Variants in LRP1B observed in about 807,000 individuals in gnomAD.
The protein encoded by LRP1B is low-density lipoprotein receptor-related protein 1B.
Under a neutral mutation model 556.6 loss-of-function variants are expected in LRP1B, and 217 were observed. The ratio of observed to expected loss-of-function variants is 0.39; its 90% CI spans 0.35 to 0.44. LRP1B has a LOEUF of 0.44. LRP1B is among the 20% of genes least tolerant of loss of function. LRP1B has a pLI of 1.00. For missense variants in LRP1B, 5,053 were observed against 5,620.8 expected (o/e 0.90, Z 3.23); for synonymous variants, 2,047 against 1,865.8 (o/e 1.10, Z -2.50).
chr2:142,078,230 A>G (rs1705582592), intron 1 of LRP1B, among the ~76,000 whole-genome samples: 1 of 151,976 alleles, frequency 6.6e-6, no homozygotes, highest in African/African-American at 2.4e-5. Context: ...GTTTGGGAAA[A>G]CTGCATGATA....
chr2:141,070,169 T>G (rs927272411), intron 7 of LRP1B, among the ~76,000 whole-genome samples: 1 of 151,928 alleles, frequency 6.6e-6, no homozygotes, highest in South Asian at 2.1e-4. Flanking sequence ...TTCCATGGTG[T>G]ATATGTGCCA....
At chr2:141,096,663 A>AGAGG (rs1700323761) in intron 7 of LRP1B, among the ~76,000 whole-genome samples, 1 of 127,756 alleles carries the variant, frequency 7.8e-6, no homozygotes, top group African/African-American at 2.8e-5. Context: ...AGAGAGAGAG[A>AGAGG]GAGAGAGAGA....
At chr2:141,463,764 G>A (rs1682043573) in intron 3 of LRP1B, among the ~76,000 whole-genome samples, 1 of 144,392 alleles carries the variant, frequency 6.9e-6, no homozygotes, top group South Asian at 2.1e-4. Context: ...GGCCTATGTT[G>A]ATTGTATTTC....
intron 43 of LRP1B, among the ~76,000 whole-genome samples, chr2:140,579,970 T>C (rs1681696206): frequency 6.6e-6 from 1 of 152,238 alleles, no homozygotes; most frequent in Non-Finnish European, 1.5e-5. Context: ...GTATCCTATA[T>C]ATGCAAATGG....
chr2:141,241,543 C>T (rs1231884285), intron 5 of LRP1B, among the ~76,000 whole-genome samples: 2 of 152,064 alleles, frequency 1.3e-5, no homozygotes, highest in Non-Finnish European at 2.9e-5. Flanking sequence ...AGTAACAGGA[C>T]AAAACTGGCC....
intron 32 of LRP1B, among the ~76,000 whole-genome samples, chr2:140,787,934 C>T (rs761499965): frequency 5.3e-5 from 8 of 152,038 alleles, no homozygotes; most frequent in East Asian, 1.9e-4. Flanking sequence ...TTATCTTCCA[C>T]TCATACTCCA....
At chr2:141,013,504 G>A in intron 14 of LRP1B, 52 bp downstream of exon 14, 2 of 1,361,550 alleles carry the variant, frequency 1.5e-6, no homozygotes, top group Non-Finnish European at 2.0e-6. Flanking sequence ...TAACTTCTGT[G>A]AAGTATTATT....
intron 2 of LRP1B, among the ~76,000 whole-genome samples, chr2:141,542,567 T>C (rs1467294157): frequency 2.0e-5 from 3 of 152,096 alleles, no homozygotes; most frequent in African/African-American, 7.2e-5. Context: ...TTGTATGCTT[T>C]GATTTTTCAT....
intron 7 of LRP1B, among the ~76,000 whole-genome samples, chr2:141,172,747 T>G (rs2105147993): frequency 6.6e-6 from 1 of 152,146 alleles, no homozygotes; most frequent in African/African-American, 2.4e-5. Flanking sequence ...AAAATAGACA[T>G]TATAAAACCA....
chr2:141,748,591 C>T (rs1693995012), intron 2 of LRP1B, among the ~76,000 whole-genome samples: 1 of 152,160 alleles, frequency 6.6e-6, no homozygotes, highest in Non-Finnish European at 1.5e-5. Context: ...ACCCCAGGTA[C>T]TGTGCTTTTG....
In LRP1B at chr2:141,215,673, G is replaced by T. The variant is rs550609722; in HGVS notation, c.850+13510C>A. Among the ~76,000 whole-genome samples, 11 of 152,328 alleles carry T rather than the reference G, an allele frequency of 7.2e-5. 1 individual carries two copies. The South Asian group carries it at 2.3e-3, about 32-fold the overall frequency. On this transcript the variant is annotated intron_variant, in intron 6 of 90. Transcript: ENST00000389484. Reference sequence around the variant, plus strand: ...ACATGTTTTATGCCTTAGCAAAGAAGTTGGCTGCATTCTCTTCAGGCTCTA... The same window carrying T: ...ACATGTTTTATGCCTTAGCAAAGAATTTGGCTGCATTCTCTTCAGGCTCTA...
In LRP1B at chr2:140,231,457, C is replaced by T. The variant is rs1680465568; in HGVS notation, c.*1729G>A. 6.6e-6 allele frequency: 1 copy of T among 151,610 alleles called. No individual in the cohort carries two copies. The highest frequency in any genetic ancestry group is 6.6e-5 in the Admixed American group (1 of 15,108). The allele number at this position is 151,610 out of a possible 1,614,324, so 9.4% of individuals were successfully genotyped here. A position where few individuals can be genotyped will look rare whatever the true frequency, so the allele number is the denominator to read the frequency against. The stretch of plus-strand genomic sequence containing the variant: ...TAGAATTTCATTTAAATAAGTCAGT[C>T]AACAATTTTTTATAAAGTATTTAAC... On this transcript the variant is annotated 3_prime_UTR_variant, in exon 91 of 91. Coordinates refer to ENST00000389484, the MANE Select transcript of LRP1B (RefSeq NM_018557.3).
At chr2:141,126,575 C>A (rs946663788) in intron 7 of LRP1B, among the ~76,000 whole-genome samples, 3 of 152,090 alleles carry the variant, frequency 2.0e-5, no homozygotes, top group Admixed American at 6.6e-5. Context: ...ACTCAGTCCC[C>A]AAAACTTTTT....
intron 7 of LRP1B, among the ~76,000 whole-genome samples, chr2:141,092,450 A>G (rs1299476741): frequency 6.6e-6 from 1 of 152,204 alleles, no homozygotes; most frequent in Non-Finnish European, 1.5e-5. Flanking sequence ...AATGTTGACT[A>G]TATGTTTGGA....
At position 141,749,457 on chromosome 2, in the gene LRP1B, T is replaced by A. The variant is rs149929366; in HGVS notation, c.205+60822A>T. ...TTCACCCAGGAAAGAAATGGCACTA[T>A]TGGTGATTATTTAGTAGGTAAATAA... is the stretch of plus-strand genomic sequence containing the variant. On this transcript the variant is annotated intron_variant, in intron 2 of 90. Coordinates refer to ENST00000389484, the MANE Select transcript of LRP1B (RefSeq NM_018557.3). 2.8e-4 allele frequency among the ~76,000 whole-genome samples: 43 copies of A among 152,264 alleles called. 1 individual carries two copies. The East Asian group carries it at 7.9e-3, about 28-fold the overall frequency.
chr2:140,286,287 G>A lies in LRP1B; in HGVS notation c.12967+11521C>T, dbSNP rs114439844. On this transcript the variant is annotated intron_variant, in intron 84 of 90. Coordinates refer to ENST00000389484, the MANE Select transcript of LRP1B (RefSeq NM_018557.3). ...ATATTGGATCATCCAAGGCTGGTTC[G>A]TCCTATTCTGAAACTAACCGAAGTT... 2.6e-3 allele frequency among the ~76,000 whole-genome samples: 391 copies of A among 151,924 alleles called. 2 individuals are homozygous for A. The highest frequency in any genetic ancestry group is 8.9e-3 in the African/African-American group (368 of 41,496).
rs866127092 is a variant in LRP1B at position 142,115,632 on chromosome 2, T to A, written c.82+15016A>T. ...ATATTATATATATGTAATATATATA[T>A]TATATATGTAATATATATATTATAT... is the stretch of plus-strand genomic sequence containing the variant. On this transcript the variant is annotated intron_variant, in intron 1 of 90. Coordinates refer to ENST00000389484, the MANE Select transcript of LRP1B (RefSeq NM_018557.3). 3.3e-4 allele frequency among the ~76,000 whole-genome samples: 6 copies of A among 18,022 alleles called. No homozygotes were observed. The East Asian group carries it at 8.7e-3, about 26-fold the overall frequency. The allele number at this position is 18,022 out of a possible 152,430, so 11.8% of individuals were successfully genotyped here.
chr2:140,345,398 T>A (rs1681599187), intron 77 of LRP1B, among the ~76,000 whole-genome samples: 1 of 151,638 alleles, frequency 6.6e-6, no homozygotes, highest in African/African-American at 2.4e-5. Flanking sequence ...TACTCTCCTC[T>A]CTCAGTTTTT....
At chr2:141,610,240 C>A (rs1688060576) in intron 2 of LRP1B, among the ~76,000 whole-genome samples, 1 of 139,858 alleles carries the variant, frequency 7.2e-6, no homozygotes, top group Non-Finnish European at 1.6e-5. Flanking sequence ...ATGGGTGCGG[C>A]ACACCAGCAT....
Sources: allele counts gnomAD v4.1 joint callset (sites outside exome capture counted in the v4.1 genomes callset), GRCh38; gene constraint gnomAD v4.1.1; transcripts MANE v1.5; gene names NCBI Gene and HGNC (gene_info 2026-07-23, HGNC 2026-07-21).